TIAM1: variants seen among roughly 807,000 people sequenced by gnomAD.
The protein encoded by TIAM1 is rho guanine nucleotide exchange factor TIAM1.
A neutral mutation model predicts 163.5 loss-of-function variants in TIAM1; 65 were observed. The observed-to-expected ratio is 0.40, with a 90% CI of 0.33 to 0.49. The LOEUF is 0.49. Ranked by LOEUF, TIAM1 falls within the 20% of genes least tolerant of loss-of-function variation. The pLI is 0.77. For missense variants in TIAM1, 1,789 were observed against 2,044.7 expected, an observed-to-expected ratio of 0.87 and a Z score of 2.41; for synonymous variants, 833 against 810.1, an observed-to-expected ratio of 1.03 and a Z score of -0.48.
chr21:31,165,056 A>T lies in TIAM1; in HGVS notation c.2897T>A (p.Leu966His). 1 of 1,613,950 alleles carries T rather than the reference A, an allele frequency of 6.2e-7. No homozygotes were observed. The highest frequency in any genetic ancestry group is 8.5e-7 in the Non-Finnish European group (1 of 1,180,036). ...AFLTSNPGHS[L>H]CSEQGSSAET... Reference sequence around the variant, plus strand: ...AGCACTGCTGCCCTGCTCGCTGCAAAGGCTGTGCCCTGTCAGATGAAATCA... The same window carrying T: ...AGCACTGCTGCCCTGCTCGCTGCAATGGCTGTGCCCTGTCAGATGAAATCA... Residue 966 changes from leucine (L) to histidine (H), a missense_variant, in exon 16 of 28, where the codon CTT becomes CAT. Leu to His is a moderately conservative substitution (Grantham distance 99). Around this residue, in one of 5 missense-constraint regions of TIAM1, gnomAD observed 303 missense variants for 321.3 expected, o/e 0.94. Coordinates refer to ENST00000541036, the MANE Select transcript of TIAM1 (RefSeq NM_001353694.2).
chr21:31,213,281 A>T, intron 10 of TIAM1, 117 bp downstream of exon 10: 1 of 852,402 alleles, frequency 1.2e-6, no homozygotes, highest in Non-Finnish European at 1.8e-6. Context: ...TTAAAAACTG[A>T]TTTCAGTTTT....
intron 2 of TIAM1, among the ~76,000 whole-genome samples, chr21:31,319,505 A>C (rs1194855941): frequency 6.6e-6 from 1 of 152,124 alleles, no homozygotes; most frequent in Non-Finnish European, 1.5e-5. Context: ...CTGGCCGGGC[A>C]CGGTGGCTCA....
chr21:31,206,955 A>G (rs2086479168), intron 11 of TIAM1, among the ~76,000 whole-genome samples: 1 of 152,172 alleles, frequency 6.6e-6, no homozygotes, highest in Non-Finnish European at 1.5e-5. Context: ...ACACACACAA[A>G]GTGCTATTGT....
At chr21:31,486,453 G>C (rs7276604) in intron 1 of TIAM1, among the ~76,000 whole-genome samples, 4,836 of 152,360 alleles carry the variant, frequency 0.032, 268 homozygotes, top group African/African-American at 0.11. Flanking sequence ...AGGGGACAAA[G>C]GGTGCGTCAG....
chr21:31,333,433 ACTCT>A (rs982772376), intron 2 of TIAM1, among the ~76,000 whole-genome samples: 4 of 151,824 alleles, frequency 2.6e-5, no homozygotes, highest in African/African-American at 9.7e-5. Flanking sequence ...CCTTCTATGA[ACTCT>A]CTTTTTGTTT....
At chr21:31,491,072 C>T (rs1386890012) in intron 1 of TIAM1, among the ~76,000 whole-genome samples, 4 of 152,094 alleles carry the variant, frequency 2.6e-5, no homozygotes, top group African/African-American at 4.8e-5. Flanking sequence ...CGGAGGTTGC[C>T]GTGAGCCGGG....
intron 2 of TIAM1, among the ~76,000 whole-genome samples, chr21:31,420,993 G>A (rs1243424663): frequency 6.6e-6 from 1 of 151,842 alleles, no homozygotes; most frequent in African/African-American, 2.4e-5. Context: ...ATGGTGGCGG[G>A]TGCCTGTAAT....
chr21:31,302,743 AC>A (rs2074552627), intron 2 of TIAM1, among the ~76,000 whole-genome samples: 1 of 152,256 alleles, frequency 6.6e-6, no homozygotes, highest in Non-Finnish European at 1.5e-5. Context: ...ATTATTTCAC[AC>A]AGATTCTGGT....
At chr21:31,255,625 G>T (rs1273755186) in intron 4 of TIAM1, among the ~76,000 whole-genome samples, 1 of 152,168 alleles carries the variant, frequency 6.6e-6, no homozygotes, top group Non-Finnish European at 1.5e-5. Flanking sequence ...ATAGTCCCAG[G>T]GGAGCCTCAG....
chr21:31,494,059 C>G (rs138622229), intron 1 of TIAM1, among the ~76,000 whole-genome samples: 1 of 152,068 alleles, frequency 6.6e-6, no homozygotes, highest in East Asian at 1.9e-4. Flanking sequence ...GGATTACAGG[C>G]ATGTGCCACT....
chr21:31,195,000 G>A (rs1304273103), intron 13 of TIAM1, among the ~76,000 whole-genome samples: 1 of 152,200 alleles, frequency 6.6e-6, no homozygotes, highest in East Asian at 1.9e-4. Flanking sequence ...TAGGACAGTA[G>A]AATCCCAGTA....
intron 1 of TIAM1, among the ~76,000 whole-genome samples, chr21:31,530,623 G>T (rs2047939509): frequency 6.6e-6 from 1 of 152,166 alleles, no homozygotes; most frequent in African/African-American, 2.4e-5. Flanking sequence ...GAGCCCCCCT[G>T]GTGGGCACAC....
At chr21:31,492,684 C>A (rs2046507843) in intron 1 of TIAM1, among the ~76,000 whole-genome samples, 1 of 151,950 alleles carries the variant, frequency 6.6e-6, no homozygotes, top group African/African-American at 2.4e-5. Context: ...GGGCACAGGT[C>A]ATCAGGACCT....
At chr21:31,152,889 G>C in intron 18 of TIAM1, 128 bp from the exon 19 acceptor site, 4 of 1,407,928 alleles carry the variant, frequency 2.8e-6, no homozygotes, top group Admixed American at 2.5e-5. Flanking sequence ...ACCAGAGAGC[G>C]GGGCAGTTTT....
intron 1 of TIAM1, among the ~76,000 whole-genome samples, chr21:31,543,101 C>G (rs1189783535): frequency 6.6e-6 from 1 of 152,192 alleles, no homozygotes; most frequent in Non-Finnish European, 1.5e-5. Context: ...TGCTTGCCTA[C>G]CCTGCTTCCC....
At chr21:31,448,761 G>T (rs571636689) in intron 2 of TIAM1, among the ~76,000 whole-genome samples, 2 of 152,174 alleles carry the variant, frequency 1.3e-5, no homozygotes, top group East Asian at 1.9e-4. Context: ...CAGAACTGTG[G>T]CAGCTCTCAG....
At chr21:31,295,258 C>G (rs2074194050) in intron 2 of TIAM1, among the ~76,000 whole-genome samples, 1 of 152,092 alleles carries the variant, frequency 6.6e-6, no homozygotes, top group South Asian at 2.1e-4. Flanking sequence ...ATCATGAAGT[C>G]AGGAAATCGA....
At chr21:31,523,090 A>C (rs2047660231) in intron 1 of TIAM1, among the ~76,000 whole-genome samples, 1 of 152,252 alleles carries the variant, frequency 6.6e-6, no homozygotes, top group South Asian at 2.1e-4. Flanking sequence ...GCAAAGCAAT[A>C]TTTCTCTTTG....
chr21:31,307,610 C>T (rs915925604), intron 2 of TIAM1, among the ~76,000 whole-genome samples: 4 of 152,104 alleles, frequency 2.6e-5, no homozygotes, highest in Non-Finnish European at 5.9e-5. Context: ...GAGGTGGGTG[C>T]GATCATCTAA....
Sources: gnomAD v4.1 joint callset for allele counts (sites outside exome capture counted in the v4.1 genomes callset) on GRCh38, gnomAD v4.1.1 for gene constraint, gnomAD v4.1.1 regional missense constraint, MANE v1.5 for transcripts, NCBI Gene and HGNC (gene_info 2026-07-23, HGNC 2026-07-21) for gene names.